Variants in LRP1B observed in about 807,000 individuals in gnomAD.
LRP1B encodes LDL receptor related protein 1B.
LRP1B carries 217 observed loss-of-function variants against 556.6 expected under a neutral mutation model. The ratio of observed to expected loss-of-function variants is 0.39; its 90% CI spans 0.35 to 0.44. LRP1B has a LOEUF of 0.44. LRP1B is among the 20% of genes least tolerant of loss of function. The pLI, the probability that LRP1B is intolerant of heterozygous loss-of-function variation, is 1.00. For missense variants in LRP1B, 5,053 were observed against 5,620.8 expected (o/e 0.90, Z 3.23); for synonymous variants, 2,047 against 1,865.8 (o/e 1.10, Z -2.50).
At chr2:141,296,686 T>A (rs1396381466) in intron 3 of LRP1B, among the ~76,000 whole-genome samples, 1 of 152,224 alleles carries the variant, frequency 6.6e-6, no homozygotes, top group Non-Finnish European at 1.5e-5. Context: ...TTGCATTAAG[T>A]ATGTGCTGTT....
intron 41 of LRP1B, among the ~76,000 whole-genome samples, chr2:140,624,069 A>T (rs1056410499): frequency 2.6e-5 from 4 of 151,278 alleles, no homozygotes; most frequent in African/African-American, 9.7e-5. Flanking sequence ...GCTAAATAAT[A>T]AATACAATGT....
chr2:140,322,250 T>C (rs924593318), intron 81 of LRP1B, among the ~76,000 whole-genome samples, 162 bp from the exon 82 acceptor site: 6 of 152,140 alleles, frequency 3.9e-5, no homozygotes, highest in Non-Finnish European at 8.8e-5. Context: ...ATCATTCTCC[T>C]TTATAGGTGA....
intron 3 of LRP1B, among the ~76,000 whole-genome samples, chr2:141,405,411 T>C (rs1414341197): frequency 1.3e-5 from 2 of 152,166 alleles, no homozygotes; most frequent in African/African-American, 4.8e-5. Context: ...AGAACTACAT[T>C]AATTTAGTCA....
chr2:140,888,565 T>C (rs376673303), intron 23 of LRP1B, among the ~76,000 whole-genome samples: 1 of 105,472 alleles, frequency 9.5e-6, no homozygotes, highest in African/African-American at 2.7e-5. Flanking sequence ...ATAGAAAATA[T>C]AGAAAATAAA....
At chr2:141,274,529 T>G (rs543017369) in intron 3 of LRP1B, among the ~76,000 whole-genome samples, 74 of 152,164 alleles carry the variant, frequency 4.9e-4, no homozygotes, top group Non-Finnish European at 9.4e-4. Flanking sequence ...GTAGAATGGT[T>G]GTTCCTAGTA....
intron 7 of LRP1B, among the ~76,000 whole-genome samples, chr2:141,101,905 A>G (rs923171508): frequency 2.6e-5 from 4 of 152,182 alleles, no homozygotes; most frequent in African/African-American, 9.7e-5. Flanking sequence ...TATCAGTTTC[A>G]CAAGGTTAAA....
At chr2:141,731,099 A>G (rs1693254569) in intron 2 of LRP1B, among the ~76,000 whole-genome samples, 1 of 152,130 alleles carries the variant, frequency 6.6e-6, no homozygotes, top group Admixed American at 6.6e-5. Flanking sequence ...TGCCCCAAAC[A>G]AAGACCATTT....
At chr2:140,961,964 T>G (rs1696049446) in intron 18 of LRP1B, among the ~76,000 whole-genome samples, 1 of 152,288 alleles carries the variant, frequency 6.6e-6, no homozygotes, top group African/African-American at 2.4e-5. Context: ...AGGTGTAGAA[T>G]GATTACTATC....
At chr2:140,801,506 G>A (rs1690510676) in intron 32 of LRP1B, among the ~76,000 whole-genome samples, 2 of 152,004 alleles carry the variant, frequency 1.3e-5, no homozygotes, top group South Asian at 2.1e-4. Context: ...TCTTCCTTAT[G>A]GTAAAACAGT....
intron 5 of LRP1B, among the ~76,000 whole-genome samples, chr2:141,244,728 T>C (rs1684006705): frequency 6.6e-6 from 1 of 152,126 alleles, no homozygotes; most frequent in African/African-American, 2.4e-5. Flanking sequence ...TCTCTTAAAT[T>C]GTACAAATAC....
chr2:142,032,693 C>G (rs1464101586), intron 1 of LRP1B, among the ~76,000 whole-genome samples: 1 of 151,818 alleles, frequency 6.6e-6, no homozygotes, highest in Non-Finnish European at 1.5e-5. Context: ...TTGAGCCATA[C>G]TGCCTAGGGC....
At chr2:141,030,837 G>A (rs1324736359) in intron 11 of LRP1B, among the ~76,000 whole-genome samples, 3 of 152,010 alleles carry the variant, frequency 2.0e-5, no homozygotes, top group Non-Finnish European at 2.9e-5. Flanking sequence ...TGAATAAAGA[G>A]AAAAGAGAAT....
intron 7 of LRP1B, among the ~76,000 whole-genome samples, chr2:141,139,781 ATGTGTGTG>A (rs58413685): frequency 0.034 from 5,094 of 148,080 alleles, 104 homozygotes; most frequent in Middle Eastern, 0.069. Context: ...CATTGGAAAA[ATGTGTGTG>A]TGTGTGTGTG....
intron 66 of LRP1B, among the ~76,000 whole-genome samples, chr2:140,427,845 C>T (rs552783286): frequency 9.9e-5 from 15 of 152,196 alleles, no homozygotes; most frequent in South Asian, 6.2e-4. Context: ...TCAGCCTCCG[C>T]TCCTCCACCC....
intron 1 of LRP1B, among the ~76,000 whole-genome samples, chr2:141,918,443 C>A (rs1314560103): frequency 6.6e-6 from 1 of 151,892 alleles, no homozygotes; most frequent in African/African-American, 2.4e-5. Context: ...TATTTGGTAT[C>A]GAGTGATTTT....
At chr2:141,730,120 C>T (rs80022527) in intron 2 of LRP1B, among the ~76,000 whole-genome samples, 2 of 152,206 alleles carry the variant, frequency 1.3e-5, no homozygotes, top group Non-Finnish European at 2.9e-5. Context: ...CAATTTTTGT[C>T]AAACATCATG....
intron 7 of LRP1B, among the ~76,000 whole-genome samples, chr2:141,104,192 T>C (rs1360916168): frequency 6.6e-6 from 1 of 152,048 alleles, no homozygotes; most frequent in African/African-American, 2.4e-5. Flanking sequence ...GAACATGTGG[T>C]ATTTGGTTTC....
At chr2:141,811,886 A>G (rs912201849) in intron 1 of LRP1B, among the ~76,000 whole-genome samples, 2 of 152,116 alleles carry the variant, frequency 1.3e-5, no homozygotes, top group Admixed American at 6.6e-5. Flanking sequence ...AAAAGAAGAA[A>G]CCACAGGAAG....
chr2:140,613,888 C>G (rs1164336981), intron 41 of LRP1B, among the ~76,000 whole-genome samples: 1 of 151,916 alleles, frequency 6.6e-6, no homozygotes, highest in African/African-American at 2.4e-5. Flanking sequence ...TGAATTTTTC[C>G]TTTGTCCCCT....
Sources: allele counts gnomAD v4.1 joint callset (sites outside exome capture counted in the v4.1 genomes callset), GRCh38; gene constraint gnomAD v4.1.1; transcripts MANE v1.5; gene names NCBI Gene and HGNC (gene_info 2026-07-23, HGNC 2026-07-21).